The following MAGI2 variants were observed in gnomAD, a reference collection of about 807,000 sequenced individuals.
The protein encoded by MAGI2 is membrane-associated guanylate kinase, WW and PDZ domain-containing protein 2.
A neutral mutation model predicts 133.3 loss-of-function variants in MAGI2; 35 were observed. The ratio of observed to expected loss-of-function variants is 0.26; its 90% CI spans 0.20 to 0.35. The LOEUF is 0.35. Among genes scored for constraint, MAGI2 ranks in the 10% least tolerant of loss-of-function variants. The probability of loss-of-function intolerance (pLI) is 1.00; values close to 1 mark genes in which losing one functional copy is unlikely to be tolerated. For synonymous variants in MAGI2, 729 were observed against 710.6 expected (o/e 1.03, Z -0.41); for missense variants, 1,636 against 1,863.4 (o/e 0.88, Z 2.25).
chr7:79,278,009 G>A (rs142243051), intron 1 of MAGI2, among the ~76,000 whole-genome samples: 24 of 152,190 alleles, frequency 1.6e-4, no homozygotes, highest in Admixed American at 7.2e-4. Context: ...TTAGCTCACC[G>A]ACATGATTTT....
intron 7 of MAGI2, among the ~76,000 whole-genome samples, chr7:78,351,270 G>C (rs1791482376): frequency 6.6e-6 from 1 of 152,038 alleles, no homozygotes; most frequent in Non-Finnish European, 1.5e-5. Flanking sequence ...ACTTTGGGAG[G>C]CTTAGGTGGG....
At position 78,873,044 on chromosome 7, in the gene MAGI2, T is replaced by G. The variant is rs144042480; in HGVS notation, c.418+134046A>C. Among the ~76,000 whole-genome samples, 7 of 152,190 alleles carry G rather than the reference T, an allele frequency of 4.6e-5. No homozygotes were observed. The East Asian group carries it at 7.7e-4, about 17-fold the overall frequency. On this transcript the variant is annotated intron_variant, in intron 2 of 21. Transcript: ENST00000354212. Reference sequence around the variant, plus strand: ...TTCAAAATTGAAAAAATAGAGAAATTTGCATACATCAGAGGCAAATTAGGG... The same window carrying G: ...TTCAAAATTGAAAAAATAGAGAAATGTGCATACATCAGAGGCAAATTAGGG...
In MAGI2 at chr7:79,073,030, C is replaced by T. The variant is rs957050021; in HGVS notation, c.302-65824G>A. ...TGTAGGAGAGTCAAAAAGACAAAAA[C>T]AAAAACAAACAACAACAACAACAAA... On this transcript the variant is annotated intron_variant, in intron 1 of 21. Coordinates refer to ENST00000354212, the MANE Select transcript of MAGI2 (RefSeq NM_012301.4). Among the ~76,000 whole-genome samples, 24 of 151,808 alleles carry T rather than the reference C, an allele frequency of 1.6e-4. No individual in the cohort carries two copies. In the South Asian group the frequency reaches 2.1e-3, roughly 13 times the overall value.
At chr7:79,257,754 A>G (rs561059234) in intron 1 of MAGI2, among the ~76,000 whole-genome samples, 1 of 152,332 alleles carries the variant, frequency 6.6e-6, no homozygotes, top group Non-Finnish European at 1.5e-5. Context: ...AAATAATGAT[A>G]AATTGCATAT....
intron 1 of MAGI2, among the ~76,000 whole-genome samples, chr7:79,331,960 A>G (rs6964657): frequency 0.035 from 5,317 of 150,940 alleles, 287 homozygotes; most frequent in African/African-American, 0.12. Context: ...AAAAAAAAGG[A>G]AAAAAAAATT....
intron 21 of MAGI2, among the ~76,000 whole-genome samples, chr7:78,061,543 A>C (rs1236100742): frequency 1.3e-5 from 2 of 152,080 alleles, no homozygotes; most frequent in Non-Finnish European, 2.9e-5. Context: ...GAGGAGGAAT[A>C]TTTTGGGAGG....
At chr7:78,806,826 C>T (rs1450557744) in intron 2 of MAGI2, among the ~76,000 whole-genome samples, 3 of 151,036 alleles carry the variant, frequency 2.0e-5, no homozygotes, top group Admixed American at 1.3e-4. Context: ...CATAATCATG[C>T]CACTGAAATC....
At chr7:79,349,386 T>C (rs756676968) in intron 1 of MAGI2, among the ~76,000 whole-genome samples, 2 of 152,002 alleles carry the variant, frequency 1.3e-5, no homozygotes, top group African/African-American at 2.4e-5. Context: ...TGGACAAGTA[T>C]TCTACTTCTT....
intron 2 of MAGI2, among the ~76,000 whole-genome samples, chr7:78,787,311 C>T (rs1826917137): frequency 6.6e-6 from 1 of 152,076 alleles, no homozygotes; most frequent in Non-Finnish European, 1.5e-5. Context: ...GAAGGTAGGA[C>T]TGTGGATGGG....
intron 2 of MAGI2, among the ~76,000 whole-genome samples, chr7:78,837,159 C>T (rs1791700771): frequency 6.6e-6 from 1 of 152,122 alleles, no homozygotes; most frequent in Admixed American, 6.6e-5. Flanking sequence ...GCCTTGTTAA[C>T]TCAAAATTCT....
At chr7:79,072,649 T>G (rs1815094631) in intron 1 of MAGI2, among the ~76,000 whole-genome samples, 1 of 152,176 alleles carries the variant, frequency 6.6e-6, no homozygotes, top group South Asian at 2.1e-4. Flanking sequence ...AAAAAACAAA[T>G]TATTTACCTG....
chr7:78,052,589 T>C (rs1812127893), intron 21 of MAGI2, among the ~76,000 whole-genome samples: 1 of 152,228 alleles, frequency 6.6e-6, no homozygotes, highest in Admixed American at 6.5e-5. Context: ...TCCTGGACCA[T>C]TGCTTACTCT....
chr7:78,220,288 G>T (rs1020774275), intron 10 of MAGI2, among the ~76,000 whole-genome samples: 1 of 152,114 alleles, frequency 6.6e-6, no homozygotes, highest in Non-Finnish European at 1.5e-5. Flanking sequence ...CCTCTGAAAT[G>T]CTGTCACCAC....
intron 9 of MAGI2, among the ~76,000 whole-genome samples, chr7:78,294,317 G>A (rs1477697478): frequency 2.0e-5 from 3 of 152,020 alleles, no homozygotes; most frequent in African/African-American, 4.8e-5. Flanking sequence ...TCCAAAATAG[G>A]GAGTATTAAA....
intron 20 of MAGI2, among the ~76,000 whole-genome samples, chr7:78,119,557 C>CAAAAAA (rs1166809821): frequency 8.2e-5 from 4 of 48,916 alleles, no homozygotes; most frequent in Non-Finnish European, 1.1e-4. Flanking sequence ...TGAGACTCCT[C>CAAAAAA]AAAAAAAAAA....
intron 1 of MAGI2, among the ~76,000 whole-genome samples, chr7:79,188,812 C>T (rs1198043387): frequency 6.6e-6 from 1 of 151,720 alleles, no homozygotes; most frequent in African/African-American, 2.4e-5. Context: ...TAATAAGTCA[C>T]AGATATTCTA....
intron 1 of MAGI2, among the ~76,000 whole-genome samples, chr7:79,315,422 G>A (rs1446240863): frequency 2.0e-5 from 3 of 147,772 alleles, no homozygotes; most frequent in African/African-American, 7.6e-5. Flanking sequence ...TGATCCACCC[G>A]CCTCAGCCCT....
chr7:78,520,483 T>A (rs891541081), intron 4 of MAGI2, among the ~76,000 whole-genome samples: 1 of 152,014 alleles, frequency 6.6e-6, no homozygotes, highest in Non-Finnish European at 1.5e-5. Context: ...ATCTTAAGAA[T>A]AATATGTATG....
In MAGI2 at chr7:79,336,526, G is replaced by A. The variant is rs138655174; in HGVS notation, c.301+116494C>T. Reference sequence around the variant, plus strand: ...AAAAAGAAGGCGCTTATGCAGTACAGTATTTCATTTATAATGTACGTATTG... The same window carrying A: ...AAAAAGAAGGCGCTTATGCAGTACAATATTTCATTTATAATGTACGTATTG... On this transcript the variant is annotated intron_variant, in intron 1 of 21. Coordinates refer to ENST00000354212, the MANE Select transcript of MAGI2 (RefSeq NM_012301.4). Among the ~76,000 whole-genome samples, 323 of 152,204 alleles carry A rather than the reference G, an allele frequency of 2.1e-3. 1 individual carries two copies. Among genetic ancestry groups the A allele is most frequent in the Middle Eastern group, 0.01 (3 of 294 alleles).
Sources: gnomAD v4.1 joint callset for allele counts (sites outside exome capture counted in the v4.1 genomes callset) on GRCh38, gnomAD v4.1.1 for gene constraint, MANE v1.5 for transcripts, NCBI Gene and HGNC (gene_info 2026-07-23, HGNC 2026-07-21) for gene names.